The following IQSEC1 variants were observed in gnomAD, a reference collection of about 807,000 sequenced individuals.
IQSEC1 encodes IQ motif and SEC7 domain-containing protein 1.
IQSEC1 carries 31 observed loss-of-function variants against 91.0 expected under a neutral mutation model. The ratio of observed to expected loss-of-function variants is 0.34; its 90% CI spans 0.26 to 0.46. The LOEUF (loss-of-function observed/expected upper bound fraction) is 0.46. Among genes scored for constraint, IQSEC1 ranks in the 20% least tolerant of loss-of-function variants. The pLI, the probability that IQSEC1 is intolerant of heterozygous loss-of-function variation, is 1.00. For synonymous variants in IQSEC1, 699 were observed against 662.6 expected (o/e 1.05, Z -0.84); for missense variants, 1,388 against 1,575.6 (o/e 0.88, Z 2.02).
In IQSEC1 at chr3:12,900,253, A is replaced by G. The variant is rs772929586; in HGVS notation, c.*730T>C. The G allele has an allele frequency of 1.1e-4, 112 of 984,864 alleles. No individual in the cohort carries two copies. The highest frequency in any genetic ancestry group is 1.0e-3 in the Middle Eastern group (2 of 1,932). 61.0% of individuals were successfully genotyped at this position (984,864 alleles called of 1,614,324 possible). ...TTAGTAATGATTGTGTAAAGATTTTAGCCAGTCCTAGAGGGACTTCTTTGT... is the reference window on the plus strand; with the variant it reads ...TTAGTAATGATTGTGTAAAGATTTTGGCCAGTCCTAGAGGGACTTCTTTGT... On this transcript the variant is annotated 3_prime_UTR_variant, in exon 14 of 14. Coordinates refer to ENST00000613206, the MANE Select transcript of IQSEC1 (RefSeq NM_001134382.3).
intron 1 of IQSEC1, among the ~76,000 whole-genome samples, chr3:13,252,730 T>TTTTCTTTTTTG: frequency 6.6e-6 from 1 of 150,946 alleles, no homozygotes. Context: ...TTTTTTTTGT[T>TTTTCTTTTTTG]TTTGTTTGTT....
chr3:12,952,699 G>A (rs1028493186), intron 1 of IQSEC1, among the ~76,000 whole-genome samples: 3 of 152,134 alleles, frequency 2.0e-5, no homozygotes, highest in Admixed American at 6.5e-5. Flanking sequence ...GTTCCTCTCC[G>A]CTCTGGCACG....
intron 2 of IQSEC1, among the ~76,000 whole-genome samples, chr3:13,111,325 AGCCTC>A (rs1706241050): frequency 6.6e-6 from 1 of 152,212 alleles, no homozygotes; most frequent in Non-Finnish European, 1.5e-5. Flanking sequence ...CTACCTTGGC[AGCCTC>A]GTGGGTGGTG....
intron 1 of IQSEC1, among the ~76,000 whole-genome samples, chr3:13,215,067 G>T (rs960854886): frequency 2.0e-5 from 3 of 152,074 alleles, no homozygotes; most frequent in Admixed American, 6.6e-5. Flanking sequence ...GCAGGTGGTG[G>T]GGATGCAGCT....
In IQSEC1 at chr3:12,915,143, A is replaced by G. The variant is rs751004279; in HGVS notation, c.2161-10T>C. On this transcript the variant is annotated splice_polypyrimidine_tract_variant and intron_variant, in intron 7 of 13. Coordinates refer to ENST00000613206, the MANE Select transcript of IQSEC1 (RefSeq NM_001134382.3). ...GATGCAGGGATCCGATCTGCGGGAG[A>G]ATGTGAAACCAACAAAAGGGTGTTC... 3.1e-6 allele frequency: 5 copies of G among 1,608,140 alleles called. No individual in the cohort carries two copies. Among genetic ancestry groups the G allele is most frequent in the Non-Finnish European group, 3.4e-6 (4 of 1,176,770 alleles).
intron 2 of IQSEC1, among the ~76,000 whole-genome samples, chr3:13,146,242 C>T (rs1482877033): frequency 7.9e-5 from 12 of 152,032 alleles, no homozygotes; most frequent in Admixed American, 1.3e-4. Context: ...CCACCTTGGC[C>T]GCCCAAAGTT....
intron 1 of IQSEC1, among the ~76,000 whole-genome samples, chr3:13,199,266 C>A (rs1694193127): frequency 6.6e-6 from 1 of 152,184 alleles, no homozygotes; most frequent in South Asian, 2.1e-4. Context: ...CGCACCTGGC[C>A]CCTTCTCTAG....
chr3:13,224,670 G>A (rs1185710677), intron 1 of IQSEC1, among the ~76,000 whole-genome samples: 2 of 152,014 alleles, frequency 1.3e-5, no homozygotes, highest in Non-Finnish European at 2.9e-5. Flanking sequence ...GACCCAGGAC[G>A]GGAGCATAGC....
At chr3:12,926,698 G>T (rs546156324) in intron 3 of IQSEC1, among the ~76,000 whole-genome samples, 72 of 152,316 alleles carry the variant, frequency 4.7e-4, no homozygotes, top group Middle Eastern at 3.4e-3. Context: ...TCCCCGGGGT[G>T]GGGGGGATGG....
chr3:13,026,865 T>A (rs168632), intron 1 of IQSEC1, among the ~76,000 whole-genome samples: 1 of 107,358 alleles, frequency 9.3e-6, no homozygotes, highest in Non-Finnish European at 1.8e-5. Flanking sequence ...ATCTCCCCAG[T>A]TTTTTTTTTT....
chr3:13,281,660 G>A (rs896826464), intron 1 of IQSEC1, among the ~76,000 whole-genome samples: 2 of 152,126 alleles, frequency 1.3e-5, no homozygotes, highest in Non-Finnish European at 2.9e-5. Flanking sequence ...TGGGACTCCT[G>A]GGAATCAGGA....
intron 2 of IQSEC1, among the ~76,000 whole-genome samples, chr3:13,143,485 C>T (rs903269508): frequency 2.0e-5 from 3 of 152,214 alleles, no homozygotes; most frequent in South Asian, 4.1e-4. Context: ...GGCCCTGAAC[C>T]TGCTCTCTCA....
chr3:13,030,340 T>C (rs902121313), intron 1 of IQSEC1, among the ~76,000 whole-genome samples: 6 of 152,212 alleles, frequency 3.9e-5, no homozygotes, highest in African/African-American at 1.4e-4. Flanking sequence ...TCTCAAGTGA[T>C]CCTCCTGCCT....
At chr3:13,015,251 C>A (rs1703066210) in intron 1 of IQSEC1, among the ~76,000 whole-genome samples, 1 of 152,150 alleles carries the variant, frequency 6.6e-6, no homozygotes, top group Non-Finnish European at 1.5e-5. Flanking sequence ...AGGCAGCGAC[C>A]CAACACTCCC....
Position 13,073,156 on chromosome 3 carries a change from G to A in IQSEC1, c.-142C>T. ...GGGGCGAGTCACATTCCCGGGGGTG[G>A]CGGGCTCCTCCAGGGAGGCTGGGGC... On this transcript the variant is annotated 5_prime_UTR_variant, in exon 1 of 14. Coordinates refer to ENST00000613206, the MANE Select transcript of IQSEC1 (RefSeq NM_001134382.3). The A allele has an allele frequency of 2.0e-6, 2 of 995,008 alleles. No homozygotes were observed. Among genetic ancestry groups the A allele is most frequent in the South Asian group, 1.4e-5 (1 of 69,090 alleles). The allele number at this position is 995,008 out of a possible 1,614,324, so 61.6% of individuals were successfully genotyped here. A position where few individuals can be genotyped will look rare whatever the true frequency, so the allele number is the denominator to read the frequency against.
At position 13,193,768 on chromosome 3, in the gene IQSEC1, C is replaced by A. The variant is rs1449076023; in HGVS notation, c.273-29635G>T. 6.6e-6 allele frequency among the ~76,000 whole-genome samples: 1 copy of A among 152,168 alleles called. No individual in the cohort carries two copies. Among genetic ancestry groups the A allele is most frequent in the Non-Finnish European group, 1.5e-5 (1 of 68,028 alleles). On this transcript the variant is annotated intron_variant, in intron 1 of 15. Transcript: ENST00000648114. This position sits in a 1 kb window ranked among gnomAD's most constrained non-coding sequence, Gnocchi z 4.2. ...TGCTGTGCTGGACGCTGTCCCACTT[C>A]CCCCGGCCCCACACCCTCCTGCCTG... is the stretch of plus-strand genomic sequence containing the variant.
intron 1 of IQSEC1, among the ~76,000 whole-genome samples, chr3:13,253,739 A>C (rs1349568653): frequency 6.6e-6 from 1 of 152,116 alleles, no homozygotes; most frequent in Non-Finnish European, 1.5e-5. Flanking sequence ...ATGTAGGAGG[A>C]GCTCCGCTGT....
chr3:12,947,834 C>G (rs1484961626), intron 1 of IQSEC1, among the ~76,000 whole-genome samples: 7 of 152,274 alleles, frequency 4.6e-5, no homozygotes, highest in Admixed American at 4.6e-4. Flanking sequence ...GCTCTTCCCC[C>G]TTCTCCAGTT....
At chr3:13,204,761 CCTT>C (rs1694312095) in intron 1 of IQSEC1, among the ~76,000 whole-genome samples, 1 of 151,356 alleles carries the variant, frequency 6.6e-6, no homozygotes, top group South Asian at 2.1e-4. Context: ...TTCCTTCCTT[CCTT>C]CTTTCTTTTT....
Sources: allele counts gnomAD v4.1 joint callset (sites outside exome capture counted in the v4.1 genomes callset), GRCh38; gene constraint gnomAD v4.1.1; non-coding constraint Gnocchi (gnomAD v3.1); transcripts MANE v1.5; gene names NCBI Gene and HGNC (gene_info 2026-07-23, HGNC 2026-07-21).